The following LRMDA variants were observed in gnomAD, a reference collection of about 807,000 sequenced individuals.
The protein encoded by LRMDA is leucine-rich melanocyte differentiation-associated protein.
Under a neutral mutation model 29.8 loss-of-function variants are expected in LRMDA, and 18 were observed. The ratio of observed to expected loss-of-function variants is 0.60; its 90% confidence interval spans 0.42 to 0.90. The LOEUF (loss-of-function observed/expected upper bound fraction) is 0.90, where lower values mean the gene tolerates loss of function less well. Among genes scored for constraint, LRMDA ranks in the 40% least tolerant of loss-of-function variants. The pLI is 0.00. For missense variants in LRMDA, 273 were observed against 273.9 expected (o/e 1.00, Z 0.02); for synonymous variants, 125 against 109.4 (o/e 1.14, Z -0.89).
At chr10:75,782,774 G>C in intron 2 of LRMDA, 1 of 1,404,646 alleles carries the variant, frequency 7.1e-7, no homozygotes, top group South Asian at 1.6e-5. Flanking sequence ...GAAGAAAGAG[G>C]ATCTGGCTGA....
intron 6 of LRMDA, among the ~76,000 whole-genome samples, chr10:76,456,312 G>A (rs1331071404): frequency 1.3e-5 from 2 of 152,164 alleles, no homozygotes; most frequent in Non-Finnish European, 2.9e-5. Context: ...CCACTCTGAA[G>A]TTTTATCATG....
intron 5 of LRMDA, among the ~76,000 whole-genome samples, chr10:76,084,213 T>C (rs2132082598): frequency 6.6e-6 from 1 of 152,188 alleles, no homozygotes; most frequent in South Asian, 2.1e-4. Context: ...TATTTATTTA[T>C]TTGAGACGGA....
chr10:75,653,656 T>C (rs1841628590), intron 2 of LRMDA, among the ~76,000 whole-genome samples: 1 of 152,210 alleles, frequency 6.6e-6, no homozygotes, highest in South Asian at 2.1e-4. Flanking sequence ...GTACGTATGC[T>C]TCGCTAAAGA....
intron 2 of LRMDA, among the ~76,000 whole-genome samples, chr10:75,918,557 C>T (rs1402908259): frequency 6.6e-6 from 1 of 152,104 alleles, no homozygotes; most frequent in Non-Finnish European, 1.5e-5. Flanking sequence ...GAAATCCACC[C>T]CCATGATCCA....
intron 2 of LRMDA, among the ~76,000 whole-genome samples, chr10:75,965,692 A>G (rs1846847183): frequency 6.6e-6 from 1 of 152,180 alleles, no homozygotes; most frequent in South Asian, 2.1e-4. Flanking sequence ...CAATTTCAGG[A>G]CCATGGCATC....
At chr10:76,032,014 A>AG (rs1848158024) in intron 2 of LRMDA, among the ~76,000 whole-genome samples, 1 of 152,202 alleles carries the variant, frequency 6.6e-6, no homozygotes. Context: ...GGATTGATCC[A>AG]GGGGTTCTGG....
chr10:75,474,790 ATG>A (rs767314040), intron 2 of LRMDA, among the ~76,000 whole-genome samples: 9 of 152,152 alleles, frequency 5.9e-5, no homozygotes, highest in Non-Finnish European at 1.0e-4. Flanking sequence ...ACGTGTGTGC[ATG>A]TGAGTGTGTG....
In LRMDA at chr10:75,677,670, C is replaced by T. The variant is rs565643347; in HGVS notation, c.131+239176C>T. Among the ~76,000 whole-genome samples, 261 of 152,206 alleles carry T rather than the reference C, an allele frequency of 1.7e-3. 8 individuals carry two copies. The highest frequency in any genetic ancestry group is 0.017 in the Admixed American group (261 of 15,288). The stretch of plus-strand genomic sequence containing the variant: ...TCTTATTTCTTGTTTTCTGTTTTGT[C>T]CTTCTCTGATGTTGCAGAAACAGCA... On this transcript the variant is annotated intron_variant, in intron 2 of 6. Coordinates refer to ENST00000611255, the MANE Select transcript of LRMDA (RefSeq NM_001305581.2).
At chr10:75,850,914 T>C (rs1000903000) in intron 2 of LRMDA, among the ~76,000 whole-genome samples, 5 of 152,182 alleles carry the variant, frequency 3.3e-5, no homozygotes, top group Non-Finnish European at 7.3e-5. Context: ...GCATGAACAA[T>C]GAGAGAACAT....
rs202183379 is a variant in LRMDA, at chr10:75,523,828, TTCC to T, written c.131+85336_131+85338del. Among the ~76,000 whole-genome samples the T allele has an allele frequency of 6.1e-3, 932 of 152,268 alleles. 8 individuals are homozygous for T. Among genetic ancestry groups the T allele is most frequent in the African/African-American group, 0.02 (824 of 41,540 alleles). On this transcript the variant is annotated intron_variant, in intron 2 of 6. Transcript: ENST00000611255. Reference sequence around the variant, plus strand: ...CTGCATCCTTTCTTCTCTCTGCCCCTTCCTGAGGCACCATTCCCCTCAGTGTCT... The same window carrying T: ...CTGCATCCTTTCTTCTCTCTGCCCCTTGAGGCACCATTCCCCTCAGTGTCT...
chr10:76,023,182 C>T (rs1848006579), intron 2 of LRMDA, among the ~76,000 whole-genome samples: 1 of 151,984 alleles, frequency 6.6e-6, no homozygotes, highest in African/African-American at 2.4e-5. Context: ...GGCAGGCGAT[C>T]GGCTTGGAAA....
chr10:75,830,076 A>C (rs10824343), intron 2 of LRMDA, among the ~76,000 whole-genome samples: 71,246 of 151,668 alleles, frequency 0.47, 16,919 homozygotes, highest in South Asian at 0.54. Flanking sequence ...CATTTTTGAG[A>C]CCTAGGTCAG....
rs570327648 is a variant in LRMDA, at chr10:75,986,902, A to G, written c.132-49106A>G. Among the ~76,000 whole-genome samples, 42 of 152,334 alleles carry G rather than the reference A, an allele frequency of 2.8e-4. No individual in the cohort carries two copies. The South Asian group carries it at 3.1e-3, about 11-fold the overall frequency. ...TGAGATTCACTTTACTGGTATCATC[A>G]TCTACTGGTGGTACCCAAGATGATT... On this transcript the variant is annotated intron_variant, in intron 2 of 6. Transcript: ENST00000611255.
rs117727525 is a variant in LRMDA at position 76,543,808 on chromosome 10, C to A, written c.602-13401C>A. ...CTGGCTTATTTTGCCCTCTTCTTTC[C>A]TTTGTGGCTGTGCCCAATGTTCATT... On this transcript the variant is annotated intron_variant, in intron 6 of 6. Coordinates refer to ENST00000611255, the MANE Select transcript of LRMDA (RefSeq NM_001305581.2). 3.0e-4 allele frequency among the ~76,000 whole-genome samples: 46 copies of A among 152,244 alleles called. 1 individual carries two copies. The East Asian group carries it at 8.7e-3, about 29-fold the overall frequency.
chr10:76,327,927 T>C (rs1387952596), intron 6 of LRMDA, among the ~76,000 whole-genome samples: 1 of 152,224 alleles, frequency 6.6e-6, no homozygotes, highest in Non-Finnish European at 1.5e-5. Context: ...TTTTCAAGCA[T>C]TGGCGGTTTG....
chr10:76,004,726 A>ATTTTT (rs926291826), intron 2 of LRMDA, among the ~76,000 whole-genome samples: 1 of 134,036 alleles, frequency 7.5e-6, no homozygotes, highest in African/African-American at 2.8e-5. Context: ...TTTTCTTTTA[A>ATTTTT]TTTTTTTTTT....
chr10:76,519,190 A>C (rs1843094489), intron 6 of LRMDA, among the ~76,000 whole-genome samples: 1 of 152,074 alleles, frequency 6.6e-6, no homozygotes, highest in Non-Finnish European at 1.5e-5. Flanking sequence ...GCCTCAAAAA[A>C]AATTTTTTTT....
intron 2 of LRMDA, among the ~76,000 whole-genome samples, chr10:75,727,530 T>C (rs1842644928): frequency 6.6e-6 from 1 of 152,234 alleles, no homozygotes; most frequent in South Asian, 2.1e-4. Context: ...TCGCTTGCTT[T>C]TATTTTCTCT....
intron 2 of LRMDA, among the ~76,000 whole-genome samples, chr10:75,728,107 A>G (rs1326731895): frequency 6.6e-6 from 1 of 152,228 alleles, no homozygotes; most frequent in Non-Finnish European, 1.5e-5. Flanking sequence ...ACTGAGGTTT[A>G]GAGAGGTTCC....
Sources: allele counts gnomAD v4.1 joint callset (sites outside exome capture counted in the v4.1 genomes callset), GRCh38; gene constraint gnomAD v4.1.1; transcripts MANE v1.5; gene names NCBI Gene and HGNC (gene_info 2026-07-23, HGNC 2026-07-21).